SAE1: variants seen among roughly 807,000 people sequenced by gnomAD.
SAE1 encodes SUMO-activating enzyme subunit 1.
In SAE1, 11 loss-of-function variants were observed where a neutral mutation model predicts 40.6. The ratio of observed to expected loss-of-function variants is 0.27; its 90% CI spans 0.17 to 0.45. SAE1 has a LOEUF of 0.45. Among genes scored for constraint, SAE1 ranks in the 20% least tolerant of loss-of-function variants. The pLI is 1.00. For missense variants in SAE1, 373 were observed against 427.3 expected, an observed-to-expected ratio of 0.87 and a Z score of 1.12; for synonymous variants, 155 against 154.3, an observed-to-expected ratio of 1.00 and a Z score of -0.03.
At position 47,209,139 on chromosome 19, in the gene SAE1, CTT is replaced by C; in HGVS notation, c.949-17_949-16del. 2 of 1,611,840 alleles carry C rather than the reference CTT, an allele frequency of 1.2e-6. No individual in the cohort carries two copies. Among genetic ancestry groups the C allele is most frequent in the South Asian group, 1.1e-5 (1 of 90,958 alleles). ...TCTTAAAGCACTTGAGCTAAACCCT[CTT>C]TTCATTTTTCTCCCCAGGCCCTGTC... is the stretch of plus-strand genomic sequence containing the variant. On this transcript the variant is annotated intron_variant, in intron 8 of 8. Coordinates refer to ENST00000270225, the MANE Select transcript of SAE1 (RefSeq NM_005500.3).
intron 6 of SAE1, among the ~76,000 whole-genome samples, chr19:47,193,255 T>TTTATCA (rs2058591019): frequency 6.6e-6 from 1 of 151,814 alleles, no homozygotes; most frequent in Non-Finnish European, 1.5e-5. Context: ...GAGATGGGGT[T>TTTATCA]TCGCTGTGTT....
intron 1 of SAE1, 61 bp from the exon 2 acceptor site, chr19:47,143,433 C>T: frequency 1.5e-6 from 2 of 1,366,674 alleles, no homozygotes; most frequent in Middle Eastern, 1.8e-4. Flanking sequence ...ATTTTTTGTT[C>T]TTCTGTGATT....
chr19:47,189,884 A>G (rs2058568853), intron 6 of SAE1, among the ~76,000 whole-genome samples: 1 of 152,226 alleles, frequency 6.6e-6, no homozygotes, highest in Admixed American at 6.5e-5. Context: ...ACAGTGATTA[A>G]TAATGTTGCT....
chr19:47,139,543 A>G (rs1159509753), intron 1 of SAE1, among the ~76,000 whole-genome samples: 1 of 151,194 alleles, frequency 6.6e-6, no homozygotes, highest in East Asian at 1.9e-4. Flanking sequence ...GTGTTTGTGG[A>G]ACTTGAGGGA....
rs143684731 is a variant in SAE1, at chr19:47,177,426, A to G, written c.733+7503A>G. Among the ~76,000 whole-genome samples, 54 of 152,300 alleles carry G rather than the reference A, an allele frequency of 3.5e-4. No individual in the cohort carries two copies. In the East Asian group the frequency reaches 5.6e-3, roughly 16 times the overall value. Reference sequence around the variant, plus strand: ...CAGGCTGGAGTGTGGTGGCACAATCATAACTCACTATAGCCTTGAACTCCT... The same window carrying G: ...CAGGCTGGAGTGTGGTGGCACAATCGTAACTCACTATAGCCTTGAACTCCT... On this transcript the variant is annotated intron_variant, in intron 6 of 8. Transcript: ENST00000270225.
At chr19:47,144,989 G>A (rs1335810736) in intron 2 of SAE1, among the ~76,000 whole-genome samples, 4 of 151,566 alleles carry the variant, frequency 2.6e-5, no homozygotes, top group Admixed American at 1.3e-4. Context: ...GCACCACCAC[G>A]CCTGGCTAAG....
At chr19:47,176,746 A>G (rs972379727) in intron 6 of SAE1, among the ~76,000 whole-genome samples, 2 of 152,140 alleles carry the variant, frequency 1.3e-5, no homozygotes, top group African/African-American at 4.8e-5. Flanking sequence ...AGTTTACTTA[A>G]TAAGTTAGTG....
chr19:47,190,146 CATCCTGAGTTA>C (rs1316434194), intron 6 of SAE1, among the ~76,000 whole-genome samples: 1 of 152,192 alleles, frequency 6.6e-6, no homozygotes. Flanking sequence ...CAGACTTCAG[CATCCTGAGTTA>C]ATTAAAAGGT....
At chr19:47,131,463 C>G (rs1335999451) in intron 1 of SAE1, among the ~76,000 whole-genome samples, 1 of 151,978 alleles carries the variant, frequency 6.6e-6, no homozygotes, top group Admixed American at 6.6e-5. Context: ...ACTGGCCAAC[C>G]GGACAGACGG....
chr19:47,182,496 T>TGTGTGTGTGTGTGCGCGC (rs143321323), intron 6 of SAE1, among the ~76,000 whole-genome samples: 69 of 146,032 alleles, frequency 4.7e-4, no homozygotes, highest in Admixed American at 4.0e-3. Flanking sequence ...TGTGTGTGTG[T>TGTGTGTGTGTGTGCGCGC]GCGCGCACGC....
At chr19:47,147,871 G>T (rs1451336744) in intron 2 of SAE1, among the ~76,000 whole-genome samples, 4 of 151,056 alleles carry the variant, frequency 2.6e-5, no homozygotes, top group South Asian at 4.2e-4. Context: ...CCATTCTCCT[G>T]CCTCAGCCTC....
At chr19:47,195,741 T>C (rs887074314) in intron 6 of SAE1, among the ~76,000 whole-genome samples, 5 of 143,108 alleles carry the variant, frequency 3.5e-5, no homozygotes, top group South Asian at 2.3e-4. Flanking sequence ...TTCTTCTTTT[T>C]TTTTTTTTTT....
intron 4 of SAE1, among the ~76,000 whole-genome samples, chr19:47,153,876 C>A (rs1234680936): frequency 6.6e-6 from 1 of 151,990 alleles, no homozygotes; most frequent in Non-Finnish European, 1.5e-5. Flanking sequence ...AGAACAATCT[C>A]TGCCTCCTGG....
chr19:47,165,686 G>T (rs1160845487), intron 5 of SAE1, among the ~76,000 whole-genome samples: 1 of 152,176 alleles, frequency 6.6e-6, no homozygotes, highest in Non-Finnish European at 1.5e-5. Context: ...GGTAAGACAG[G>T]TACCACCTTT....
At chr19:47,174,205 A>G (rs2058453689) in intron 6 of SAE1, among the ~76,000 whole-genome samples, 1 of 151,734 alleles carries the variant, frequency 6.6e-6, no homozygotes, top group African/African-American at 2.4e-5. Flanking sequence ...GGCATTAATT[A>G]TCTGTCTTTT....
rs368105742 is a variant in SAE1, at chr19:47,150,337, G to C, written c.346G>C (p.Glu116Gln). Residue 116 changes from glutamate (E) to glutamine (Q), a missense_variant, in exon 3 of 9, where the codon GAG becomes CAG. Around this residue, in one of 3 missense-constraint regions of SAE1, gnomAD observed 351 missense variants for 390.6 expected, o/e 0.90. Coordinates refer to ENST00000270225, the MANE Select transcript of SAE1 (RefSeq NM_005500.3). ...TGTGAAGGTGGACACTGAGGATATA[G>C]AGAAGAAACCAGAGTCATTTTTCAC... The part of the protein sequence containing the change: ...VDVKVDTEDI[E>Q]KKPESFFTQF... 6.2e-7 allele frequency: 1 copy of C among 1,609,412 alleles called. No homozygotes were observed. Among genetic ancestry groups the C allele is most frequent in the Non-Finnish European group, 8.5e-7 (1 of 1,178,526 alleles).
At chr19:47,206,587 C>T (rs773301608) in intron 8 of SAE1, among the ~76,000 whole-genome samples, 27 of 152,298 alleles carry the variant, frequency 1.8e-4, no homozygotes, top group Non-Finnish European at 3.1e-4. Flanking sequence ...CCACCGTCCA[C>T]GGCAGGTCTC....
Position 47,150,337 on chromosome 19 carries a change from G to A in SAE1, c.346G>A (p.Glu116Lys). 6.2e-7 allele frequency: 1 copy of A among 1,609,412 alleles called. No individual in the cohort carries two copies. The highest frequency in any genetic ancestry group is 8.5e-7 in the Non-Finnish European group (1 of 1,178,526). The change falls in exon 3 of 9, where the codon GAG becomes AAG. Residue 116 changes from glutamate to lysine, a missense_variant. Glu to Lys is a moderately conservative substitution (Grantham distance 56). This residue lies in a region of SAE1 where 351 missense variants were observed against 390.6 expected (regional missense o/e 0.90). Coordinates refer to ENST00000270225, the MANE Select transcript of SAE1 (RefSeq NM_005500.3). ...TGTGAAGGTGGACACTGAGGATATAGAGAAGAAACCAGAGTCATTTTTCAC... is the reference window on the plus strand; with the variant it reads ...TGTGAAGGTGGACACTGAGGATATAAAGAAGAAACCAGAGTCATTTTTCAC... ...VDVKVDTEDI[E>K]KKPESFFTQF... is the part of the protein sequence containing the mutation.
intron 6 of SAE1, among the ~76,000 whole-genome samples, chr19:47,176,126 G>A (rs1198961567): frequency 1.3e-5 from 2 of 152,174 alleles, no homozygotes; most frequent in Non-Finnish European, 2.9e-5. Context: ...GTGAAACACC[G>A]GTTGGGAACT....
Sources: gnomAD v4.1 joint callset for allele counts (sites outside exome capture counted in the v4.1 genomes callset) on GRCh38, gnomAD v4.1.1 for gene constraint, gnomAD v4.1.1 regional missense constraint, MANE v1.5 for transcripts, NCBI Gene and HGNC (gene_info 2026-07-23, HGNC 2026-07-21) for gene names.